GPR158: variants seen among roughly 807,000 people sequenced by gnomAD.
GPR158 encodes the protein metabotropic glycine receptor.
Under a neutral mutation model 78.2 loss-of-function variants are expected in GPR158, and 30 were observed. That is an observed-to-expected ratio of 0.38 (90% CI 0.29 to 0.52). The LOEUF (loss-of-function observed/expected upper bound fraction) is 0.52, where lower values mean the gene tolerates loss of function less well. Ranked by LOEUF, GPR158 falls within the 20% of genes least tolerant of loss-of-function variation. GPR158 has a pLI of 0.83. For synonymous variants in GPR158, 581 were observed against 591.1 expected (o/e 0.98, Z 0.25); for missense variants, 1,463 against 1,523.5 (o/e 0.96, Z 0.66).
chr10:25,285,465 C>G (rs186039037), intron 2 of GPR158, among the ~76,000 whole-genome samples: 1 of 152,086 alleles, frequency 6.6e-6, no homozygotes, highest in Non-Finnish European at 1.5e-5. Context: ...GGCCTCAGAA[C>G]CAGGGAAGCC....
intron 2 of GPR158, among the ~76,000 whole-genome samples, chr10:25,254,394 A>G (rs1487572400): frequency 6.6e-6 from 1 of 152,202 alleles, no homozygotes; most frequent in East Asian, 1.9e-4. Flanking sequence ...AACAAAGCTT[A>G]TCACCTGAAA....
intron 8 of GPR158, among the ~76,000 whole-genome samples, chr10:25,590,102 T>C (rs944553595): frequency 1.3e-5 from 2 of 151,774 alleles, no homozygotes; most frequent in Admixed American, 1.3e-4. Context: ...CAGTTGTGGG[T>C]CTGGGGGAAT....
chr10:25,479,692 G>A lies in GPR158; in HGVS notation c.1404+12973G>A, dbSNP rs149899473. On this transcript the variant is annotated intron_variant, in intron 5 of 10. Coordinates refer to ENST00000376351, the MANE Select transcript of GPR158 (RefSeq NM_020752.3). ...GGCCTCTCATAGTGCTGGGATTACA[G>A]GTATGAGCCACCACGCCCGGCCTGA... Among the ~76,000 whole-genome samples the A allele has an allele frequency of 4.7e-3, 708 of 152,106 alleles. 8 individuals are homozygous for A. Among genetic ancestry groups the A allele is most frequent in the African/African-American group, 0.016 (676 of 41,490 alleles).
In GPR158 at chr10:25,600,876, C is replaced by T. The variant is rs908274931; in HGVS notation, c.*1602C>T. The stretch of plus-strand genomic sequence containing the variant: ...GGGAATCCTAAGCTGCCGACTAAGC[C>T]CTACCGACATGATCATGCAGTGAGA... On this transcript the variant is annotated 3_prime_UTR_variant, in exon 11 of 11. Coordinates refer to ENST00000376351, the MANE Select transcript of GPR158 (RefSeq NM_020752.3). 2 of 152,114 alleles carry T rather than the reference C, an allele frequency of 1.3e-5. No homozygotes were observed. The highest frequency in any genetic ancestry group is 2.4e-5 in the African/African-American group (1 of 41,434). The allele number at this position is 152,114 out of a possible 1,614,324, so 9.4% of individuals were successfully genotyped here. A position where few individuals can be genotyped will look rare whatever the true frequency, so the allele number is the denominator to read the frequency against.
At position 25,175,362 on chromosome 10, in the gene GPR158, C is replaced by T. The variant is rs1852509255; in HGVS notation, c.-59C>T. Reference sequence around the variant, plus strand: ...GTCTGACTGTTGAGAAACTGACGATCCAAATTTAAAAAGTGATTCCCCCCC... The same window carrying T: ...GTCTGACTGTTGAGAAACTGACGATTCAAATTTAAAAAGTGATTCCCCCCC... On this transcript the variant is annotated 5_prime_UTR_variant, in exon 1 of 11. Coordinates refer to ENST00000376351, the MANE Select transcript of GPR158 (RefSeq NM_020752.3). The surrounding 1 kb of genome is among the most constrained non-coding windows in gnomAD (Gnocchi z 6.4). 9.3e-7 allele frequency: 1 copy of T among 1,072,950 alleles called. No homozygotes were observed. 66.5% of individuals were successfully genotyped at this position (1,072,950 alleles called of 1,614,324 possible).
intron 7 of GPR158, among the ~76,000 whole-genome samples, chr10:25,573,928 T>C (rs1315134194): frequency 6.6e-6 from 1 of 152,056 alleles, no homozygotes; most frequent in Non-Finnish European, 1.5e-5. Context: ...GCTTATTATA[T>C]TTTGGGTAAT....
intron 3 of GPR158, among the ~76,000 whole-genome samples, chr10:25,410,560 G>A (rs531062677): frequency 3.9e-5 from 6 of 152,270 alleles, no homozygotes; most frequent in Admixed American, 1.3e-4. Context: ...AGATTGCAGT[G>A]AGCCGAGATG....
At chr10:25,510,654 C>G (rs1162185748) in intron 5 of GPR158, among the ~76,000 whole-genome samples, 1 of 152,128 alleles carries the variant, frequency 6.6e-6, no homozygotes, top group Non-Finnish European at 1.5e-5. Context: ...CACCCATCAC[C>G]TGAGCAGTGT....
At chr10:25,455,875 C>G (rs990522052) in intron 4 of GPR158, among the ~76,000 whole-genome samples, 9 of 152,112 alleles carry the variant, frequency 5.9e-5, no homozygotes, top group African/African-American at 2.2e-4. Context: ...TTTTTTTACA[C>G]TTTGTCCTTT....
At chr10:25,529,036 G>A (rs142431745) in intron 5 of GPR158, among the ~76,000 whole-genome samples, 88 of 152,244 alleles carry the variant, frequency 5.8e-4, no homozygotes, top group African/African-American at 1.8e-3. Flanking sequence ...TTCAACGAAC[G>A]GTGCTGAAAC....
At chr10:25,282,794 A>AGT (rs1455966189) in intron 2 of GPR158, among the ~76,000 whole-genome samples, 1 of 151,760 alleles carries the variant, frequency 6.6e-6, no homozygotes, top group Non-Finnish European at 1.5e-5. Context: ...TTAATTTTTG[A>AGT]GTGTGTGTGC....
rs1854886344 is a variant in GPR158 at position 25,318,056 on chromosome 10, T to G, written c.1009-77855T>G. Among the ~76,000 whole-genome samples, 3 of 152,234 alleles carry G rather than the reference T, an allele frequency of 2.0e-5. No individual in the cohort carries two copies. The South Asian group carries it at 6.2e-4, about 32-fold the overall frequency. On this transcript the variant is annotated intron_variant, in intron 2 of 10. Transcript: ENST00000376351. ...ACTTTTGATTGTTCTTGTACTTCCT[T>G]GTATAGGGCTGGCAGTTTTGATGTG...
At chr10:25,546,962 C>G (rs142470114) in intron 5 of GPR158, among the ~76,000 whole-genome samples, 7 of 152,074 alleles carry the variant, frequency 4.6e-5, no homozygotes, top group African/African-American at 1.7e-4. Context: ...TCAGCTAGCT[C>G]CAAGTGTGAA....
At chr10:25,528,398 A>G (rs1836379164) in intron 5 of GPR158, among the ~76,000 whole-genome samples, 2 of 152,058 alleles carry the variant, frequency 1.3e-5, no homozygotes, top group Admixed American at 1.3e-4. Flanking sequence ...AAATATACAT[A>G]CAACATAATT....
chr10:25,324,019 G>A (rs558485082), intron 2 of GPR158, among the ~76,000 whole-genome samples: 3 of 152,246 alleles, frequency 2.0e-5, no homozygotes, highest in South Asian at 2.1e-4. Flanking sequence ...CCTTTCTTTG[G>A]ATTAGGTTAC....
chr10:25,285,331 A>G (rs191128106), intron 2 of GPR158, among the ~76,000 whole-genome samples: 1 of 152,106 alleles, frequency 6.6e-6, no homozygotes, highest in East Asian at 1.9e-4. Context: ...GTCATCTAGC[A>G]TCTGAGAGGA....
intron 5 of GPR158, among the ~76,000 whole-genome samples, chr10:25,504,157 C>T (rs907545293): frequency 6.6e-5 from 10 of 152,164 alleles, no homozygotes; most frequent in Non-Finnish European, 4.4e-5. Context: ...TCCCAAAGTA[C>T]TGGGATTACA....
chr10:25,373,266 A>G (rs926665478), intron 2 of GPR158, among the ~76,000 whole-genome samples: 2 of 151,894 alleles, frequency 1.3e-5, no homozygotes, highest in East Asian at 1.9e-4. Flanking sequence ...TTGGGAAGCA[A>G]CAGACACTGG....
chr10:25,520,633 G>T (rs535149469), intron 5 of GPR158, among the ~76,000 whole-genome samples: 16 of 151,258 alleles, frequency 1.1e-4, no homozygotes, highest in Admixed American at 8.5e-4. Flanking sequence ...ATACCCTGCC[G>T]TGTGAGGTGT....
Sources: gnomAD v4.1 joint callset for allele counts (sites outside exome capture counted in the v4.1 genomes callset) on GRCh38, gnomAD v4.1.1 for gene constraint, Gnocchi (gnomAD v3.1) non-coding constraint, MANE v1.5 for transcripts, NCBI Gene and HGNC (gene_info 2026-07-23, HGNC 2026-07-21) for gene names.